CD99L2: variants seen among roughly 807,000 people sequenced by gnomAD.
The protein encoded by CD99L2 is CD99 molecule like 2.
Under a neutral mutation model 27.3 loss-of-function variants are expected in CD99L2, and 24 were observed. That is an observed-to-expected ratio of 0.88 (90% confidence interval 0.64 to 1.24). CD99L2 has a LOEUF of 1.24. Among genes scored for constraint, CD99L2 ranks in the 50% most tolerant of loss-of-function variants. CD99L2 has a pLI of 0.00. For missense variants in CD99L2, 255 were observed against 221.6 expected (o/e 1.15, Z -0.96); for synonymous variants, 97 against 87.9 (o/e 1.10, Z -0.58).
At chrX:150,794,209 C>T (rs1420243721) in intron 6 of CD99L2, among the ~76,000 whole-genome samples, 1 of 111,463 alleles carries the variant, frequency 9.0e-6, no homozygotes, top group African/African-American at 3.3e-5. Flanking sequence ...CCTACCAACC[C>T]GTCTGTTGGT....
intron 4 of CD99L2, among the ~76,000 whole-genome samples, chrX:150,798,912 AGCTAATTTTT>A (rs1266904721): frequency 2.7e-5 from 3 of 111,515 alleles, no homozygotes; most frequent in African/African-American, 9.8e-5. Context: ...CACCATGCCC[AGCTAATTTTT>A]GCATTTTTTG....
intron 1 of CD99L2, among the ~76,000 whole-genome samples, chrX:150,890,104 G>T (rs1260963057): frequency 9.1e-6 from 1 of 109,399 alleles, no homozygotes; most frequent in Non-Finnish European, 1.9e-5. Flanking sequence ...AGTGAGCCGA[G>T]ATCGCACCAC....
rs781900059 is a variant in CD99L2, at chrX:150,776,146, C to G, written c.655+28G>C. On this transcript the variant is annotated intron_variant, in intron 9 of 10. Transcript: ENST00000370377. ...CTCCAAAGACCTTGCCAGCTGGTTCCTAGCCACGAGTGGGTGGCTGCACTT... is the reference window on the plus strand; with the variant it reads ...CTCCAAAGACCTTGCCAGCTGGTTCGTAGCCACGAGTGGGTGGCTGCACTT... The G allele has an allele frequency of 3.1e-5, 37 of 1,205,981 alleles. 1 individual carries two copies. Among genetic ancestry groups the G allele is most frequent in the Non-Finnish European group, 4.1e-5 (37 of 892,433 alleles).
At chrX:150,850,549 A>G (rs1339197211) in intron 1 of CD99L2, among the ~76,000 whole-genome samples, 1 of 112,855 alleles carries the variant, frequency 8.9e-6, no homozygotes, top group Non-Finnish European at 1.9e-5. Flanking sequence ...TCACAGAGAT[A>G]AATGTTGCAA....
chrX:150,772,443 T>C (rs1167371018), intron 9 of CD99L2, among the ~76,000 whole-genome samples: 1 of 111,967 alleles, frequency 8.9e-6, no homozygotes, highest in Non-Finnish European at 1.9e-5. Context: ...GGGATGGGGA[T>C]GGAAGAGCAC....
rs188820503 is a variant in CD99L2 at position 150,864,610 on chromosome X, T to C, written c.68-33317A>G. Among the ~76,000 whole-genome samples, 574 of 112,090 alleles carry C rather than the reference T, an allele frequency of 5.1e-3. 7 individuals carry two copies. Among genetic ancestry groups the C allele is most frequent in the Middle Eastern group, 0.014 (3 of 218 alleles). ...CTGTGGAACAGGGAACTGGAGACAC[T>C]TTGGGTGTCACACCCTAGGACAATT... On this transcript the variant is annotated intron_variant, in intron 1 of 10. Coordinates refer to ENST00000370377, the MANE Select transcript of CD99L2 (RefSeq NM_031462.4).
intron 1 of CD99L2, among the ~76,000 whole-genome samples, chrX:150,863,795 G>C (rs2047016106): frequency 1.8e-5 from 2 of 112,139 alleles, no homozygotes; most frequent in African/African-American, 6.5e-5. Flanking sequence ...AATCCAACAA[G>C]AGGTGTTCTT....
intron 7 of CD99L2, among the ~76,000 whole-genome samples, chrX:150,781,562 C>T (rs1425047704): frequency 8.9e-6 from 1 of 112,024 alleles, no homozygotes; most frequent in African/African-American, 3.2e-5. Context: ...AATTATATGC[C>T]AAAGAGACTA....
chrX:150,817,248 A>T (rs2124188518), intron 2 of CD99L2, among the ~76,000 whole-genome samples: 1 of 109,759 alleles, frequency 9.1e-6, no homozygotes, highest in African/African-American at 3.3e-5. Context: ...TAAAAATAAA[A>T]GTGGTGACCC....
intron 2 of CD99L2, among the ~76,000 whole-genome samples, chrX:150,824,093 G>A (rs2046285751): frequency 1.8e-5 from 1 of 55,726 alleles, no homozygotes; most frequent in South Asian, 1.0e-3. Context: ...GAAGAAGAAA[G>A]AAGAAGGAAG....
intron 1 of CD99L2, among the ~76,000 whole-genome samples, chrX:150,853,008 G>A (rs1366181409): frequency 7.2e-5 from 8 of 111,201 alleles, no homozygotes; most frequent in African/African-American, 1.6e-4. Context: ...CAATCACCAC[G>A]GAAGTTTCTG....
chrX:150,832,012 A>C (rs2046452369), intron 1 of CD99L2, among the ~76,000 whole-genome samples: 1 of 112,282 alleles, frequency 8.9e-6, no homozygotes, highest in South Asian at 3.7e-4. Context: ...AAAATCAATA[A>C]GGAAATATTG....
intron 1 of CD99L2, among the ~76,000 whole-genome samples, chrX:150,838,344 C>G (rs1405395248): frequency 9.0e-6 from 1 of 111,504 alleles, no homozygotes; most frequent in Non-Finnish European, 1.9e-5. Context: ...CTGAGGAAAT[C>G]TGAATAAAGT....
At chrX:150,893,515 G>GC (rs1569566184) in intron 1 of CD99L2, among the ~76,000 whole-genome samples, 1 of 108,185 alleles carries the variant, frequency 9.2e-6, no homozygotes, top group East Asian at 2.9e-4. Flanking sequence ...CTGCTCTTAC[G>GC]CCCCCCGAAC....
chrX:150,867,892 C>CTCA (rs1652135002), intron 1 of CD99L2, among the ~76,000 whole-genome samples: 1 of 19,223 alleles, frequency 5.2e-5, no homozygotes, highest in Non-Finnish European at 7.9e-5. Flanking sequence ...GACTCTGTCT[C>CTCA]AAAAAAAAAA....
intron 6 of CD99L2, 27 bp downstream of exon 6, chrX:150,795,179 G>C: frequency 8.3e-7 from 1 of 1,202,756 alleles, no homozygotes; most frequent in Non-Finnish European, 1.1e-6. Flanking sequence ...TAATTAATGA[G>C]ACAGAACCAG....
intron 2 of CD99L2, among the ~76,000 whole-genome samples, chrX:150,824,025 AGAGGAG>A (rs551423748): frequency 0.097 from 9,373 of 96,452 alleles, 473 homozygotes; most frequent in Middle Eastern, 0.18. Context: ...AGGAAGAGGA[AGAGGAG>A]GAGGAGGAGG....
chrX:150,870,767 C>G (rs1363984553), intron 1 of CD99L2, among the ~76,000 whole-genome samples: 2 of 110,972 alleles, frequency 1.8e-5, no homozygotes, highest in African/African-American at 3.3e-5. Context: ...CTGCACCCCC[C>G]CATCCTAGCA....
chrX:150,855,181 G>A (rs193159389), intron 1 of CD99L2, among the ~76,000 whole-genome samples: 1 of 112,032 alleles, frequency 8.9e-6, no homozygotes, highest in Non-Finnish European at 1.9e-5. Context: ...CCTGGTACCT[G>A]TGAATGTGAC....
Sources: allele counts gnomAD v4.1 joint callset (sites outside exome capture counted in the v4.1 genomes callset), GRCh38; gene constraint gnomAD v4.1.1; transcripts MANE v1.5; gene names NCBI Gene and HGNC (gene_info 2026-07-23, HGNC 2026-07-21).